The following DEFB129 variants were observed in gnomAD, a reference collection of about 807,000 sequenced individuals.
DEFB129 encodes defensin beta 129.
A neutral mutation model predicts 2.5 loss-of-function variants in DEFB129; 2 were observed. The observed-to-expected ratio is 0.80, with a 90% CI of 0.33 to 2.53. DEFB129 has a LOEUF of 2.53. Among genes scored for constraint, DEFB129 ranks in the 30% most tolerant of loss-of-function variants. The probability of loss-of-function intolerance (pLI) is 0.11; values close to 1 mark genes in which losing one functional copy is unlikely to be tolerated. For synonymous variants in DEFB129, 76 were observed against 74.4 expected (o/e 1.02, Z -0.11); for missense variants, 177 against 216.9 (o/e 0.82, Z 1.16).
At position 229,879 on chromosome 20, in the gene DEFB129, C is replaced by A; in HGVS notation, c.*108C>A. On this transcript the variant is annotated 3_prime_UTR_variant, in exon 2 of 2. Transcript: ENST00000246105. The stretch of plus-strand genomic sequence containing the variant: ...AGTCATTCAATAAACACTGTTTGAG[C>A]ACCTACAGTTTATGTAATATTATCA... 1.4e-6 allele frequency: 2 copies of A among 1,408,076 alleles called. No individual in the cohort carries two copies. The highest frequency in any genetic ancestry group is 1.9e-6 in the Non-Finnish European group (2 of 1,062,598). The allele number at this position is 1,408,076 out of a possible 1,614,324, so 87.2% of individuals were successfully genotyped here. A position where few individuals can be genotyped will look rare whatever the true frequency, so the allele number is the denominator to read the frequency against.
chr20:227,384 A>G, intron 1 of DEFB129, 38 bp downstream of exon 1: 1 of 1,610,330 alleles, frequency 6.2e-7, no homozygotes, highest in Non-Finnish European at 8.5e-7. Context: ...GGTAGATGAG[A>G]GGAACCAAGG....
intron 1 of DEFB129, among the ~76,000 whole-genome samples, chr20:229,014 A>G (rs2011309661): frequency 1.3e-5 from 2 of 152,204 alleles, no homozygotes; most frequent in African/African-American, 4.8e-5. Flanking sequence ...TCCTAAAAGC[A>G]AATAATTACT....
Position 227,292 on chromosome 20 carries a change from A to C in DEFB129, c.4A>C (p.Lys2Gln). 1 of 1,614,122 alleles carries C rather than the reference A, an allele frequency of 6.2e-7. No individual in the cohort carries two copies. Among genetic ancestry groups the C allele is most frequent in the Non-Finnish European group, 8.5e-7 (1 of 1,179,966 alleles). The change falls in exon 1 of 2, where the codon AAG (lysine) becomes CAG (glutamine). Residue 2 changes from lysine (K) to glutamine (Q), a missense_variant. Physicochemically the swap from Lys to Gln is moderately conservative, Grantham distance 53. Transcript: ENST00000246105. The part of the protein sequence containing the change: M[K>Q]LLFPIFASLM... ...GCTTCCTCTCTGGCACCCAACCATG[A>C]AGCTCCTTTTTCCTATCTTTGCCAG...
chr20:228,083 A>G (rs2011301584), intron 1 of DEFB129, among the ~76,000 whole-genome samples: 1 of 152,110 alleles, frequency 6.6e-6, no homozygotes, highest in African/African-American at 2.4e-5. Context: ...CCCCCAAACT[A>G]CCATAAGGGC....
At chr20:228,170 A>G (rs1295863155) in intron 1 of DEFB129, among the ~76,000 whole-genome samples, 2 of 152,254 alleles carry the variant, frequency 1.3e-5, no homozygotes, top group African/African-American at 4.8e-5. Flanking sequence ...AGAAGCACTG[A>G]GATTTGTTTC....
intron 1 of DEFB129, among the ~76,000 whole-genome samples, chr20:228,289 A>G (rs1040492749): frequency 8.5e-5 from 13 of 152,164 alleles, no homozygotes; most frequent in Non-Finnish European, 1.6e-4. Flanking sequence ...TAATGTTTTT[A>G]TCTTGGGACC....
chr20:227,802 T>C (rs1404938452), intron 1 of DEFB129, among the ~76,000 whole-genome samples: 1 of 152,094 alleles, frequency 6.6e-6, no homozygotes, highest in Non-Finnish European at 1.5e-5. Context: ...ATCGCCCAGG[T>C]ATTAAGCCCA....
At position 229,349 on chromosome 20, in the gene DEFB129, G is replaced by C; in HGVS notation, c.130G>C (p.Glu44Gln). 1 of 1,614,072 alleles carries C rather than the reference G, an allele frequency of 6.2e-7. No homozygotes were observed. Among genetic ancestry groups the C allele is most frequent in the East Asian group, 2.2e-5 (1 of 44,886 alleles). ...GGATCACTGCAATGTGGATGAAAAAGAGATACAGAAATGCAAGATGAAAAA... is the reference window on the plus strand; with the variant it reads ...GGATCACTGCAATGTGGATGAAAAACAGATACAGAAATGCAAGATGAAAAA... Reference protein sequence around the residue: ...CRDHCNVDEKEIQKCKMKKCC... With the variant: ...CRDHCNVDEKQIQKCKMKKCC... The change falls in exon 2 of 2, where the codon GAG (glutamate) becomes CAG (glutamine). Residue 44 changes from glutamate to glutamine, a missense_variant. By Grantham distance (29) the Glu-to-Gln change is conservative (BLOSUM62 2). Transcript: ENST00000246105.
Position 229,599 on chromosome 20 carries a change from C to A in DEFB129, c.380C>A (p.Ser127Tyr). Reference protein sequence around the residue: ...VIIPNATPMNSATISTMTPGQ... With the variant: ...VIIPNATPMNYATISTMTPGQ... Reference sequence around the variant, plus strand: ...ATTCCAAATGCCACCCCTATGAACTCTGCCACCATCAGCACTATGACCCCA... The same window carrying A: ...ATTCCAAATGCCACCCCTATGAACTATGCCACCATCAGCACTATGACCCCA... Residue 127 changes from serine to tyrosine, a missense_variant, in exon 2 of 2, where the codon TCT becomes TAT. Coordinates refer to ENST00000246105, the MANE Select transcript of DEFB129 (RefSeq NM_080831.4). 6.2e-7 allele frequency: 1 copy of A among 1,614,186 alleles called. No homozygotes were observed. Among genetic ancestry groups the A allele is most frequent in the Non-Finnish European group, 8.5e-7 (1 of 1,180,024 alleles).
rs2011307263 is a variant in DEFB129, at chr20:228,702, T to C, written c.59-576T>C. Among the ~76,000 whole-genome samples, 4 of 152,100 alleles carry C rather than the reference T, an allele frequency of 2.6e-5. No homozygotes were observed. The South Asian group carries it at 8.3e-4, about 31-fold the overall frequency. ...AGAAGTTACCTTGGTGGATATGAGG[T>C]TAAGGCTAGGATAATGAATGAGACT... is the stretch of plus-strand genomic sequence containing the variant. On this transcript the variant is annotated intron_variant, in intron 1 of 1. Coordinates refer to ENST00000246105, the MANE Select transcript of DEFB129 (RefSeq NM_080831.4).
At position 227,306 on chromosome 20, in the gene DEFB129, T is replaced by A. The variant is rs1478760101; in HGVS notation, c.18T>A (p.Pro6=). 1 of 1,614,108 alleles carries A rather than the reference T, an allele frequency of 6.2e-7. No individual in the cohort carries two copies. The highest frequency in any genetic ancestry group is 1.7e-5 in the Admixed American group (1 of 60,016). Residue 6 remains proline, a synonymous_variant, in exon 1 of 2, where the codon CCT becomes CCA. Transcript: ENST00000246105. MKLLF[P]IFASLMLQYQ... ...ACCCAACCATGAAGCTCCTTTTTCC[T>A]ATCTTTGCCAGCCTCATGCTACAGT...
At chr20:227,543 C>A (rs2011294852) in intron 1 of DEFB129, among the ~76,000 whole-genome samples, 197 bp downstream of exon 1, 1 of 152,212 alleles carries the variant, frequency 6.6e-6, no homozygotes, top group African/African-American at 2.4e-5. Context: ...CCAGTGGAAA[C>A]ACCCAGGAAG....
chr20:227,351 T>C lies in DEFB129; in HGVS notation c.58+5T>C. ...TACAGTACCAGGTGAACACAGGTAA[T>C]GTGGATTCCCAAGTTTAAGATGGGT... On this transcript the variant is annotated splice_donor_5th_base_variant and intron_variant, in intron 1 of 1. Coordinates refer to ENST00000246105, the MANE Select transcript of DEFB129 (RefSeq NM_080831.4). 1 of 1,614,096 alleles carries C rather than the reference T, an allele frequency of 6.2e-7. No individual in the cohort carries two copies. Among genetic ancestry groups the C allele is most frequent in the Non-Finnish European group, 8.5e-7 (1 of 1,179,958 alleles).
rs760946629 is a variant in DEFB129 at position 229,693 on chromosome 20, C to T, written c.474C>T (p.Ala158=). 43 of 1,613,856 alleles carry T rather than the reference C, an allele frequency of 2.7e-5. 1 individual carries two copies. The South Asian group carries it at 4.5e-4, about 17-fold the overall frequency. Residue 158 remains alanine (A), a synonymous_variant, in exon 2 of 2, where the codon GCC becomes GCT. Transcript: ENST00000246105. ...NTKESRDSAT[A]SPPPAPPPPN... is the part of the protein sequence containing the mutation. ...AAGAAAGCAGAGATTCTGCCACTGC[C>T]TCGCCACCACCAGCACCACCTCCAC...
rs1189354963 is a variant in DEFB129 at position 227,995 on chromosome 20, G to A, written c.58+649G>A. ...AACCCTTTCAAGATCAAGTAAACAG[G>A]CCTGTGTTCTCCATCTTGAATTCTT... On this transcript the variant is annotated intron_variant, in intron 1 of 1. Transcript: ENST00000246105. Among the ~76,000 whole-genome samples, 9 of 152,202 alleles carry A rather than the reference G, an allele frequency of 5.9e-5. No homozygotes were observed. In the East Asian group the frequency reaches 1.4e-3, roughly 23 times the overall value.
chr20:229,322 A>G lies in DEFB129; in HGVS notation c.103A>G (p.Arg35Gly). 1 of 1,612,522 alleles carries G rather than the reference A, an allele frequency of 6.2e-7. No individual in the cohort carries two copies. The highest frequency in any genetic ancestry group is 8.5e-7 in the Non-Finnish European group (1 of 1,179,404). Residue 35 changes from arginine (R) to glycine (G), a missense_variant, in exon 2 of 2, where the codon AGG becomes GGG. By Grantham distance (125) the Arg-to-Gly change is moderately radical. Transcript: ENST00000246105. ...CTGTTTAATGGGTTTGGGGAGATGC[A>G]GGGATCACTGCAATGTGGATGAAAA... ...RRCLMGLGRC[R>G]DHCNVDEKEI... is the part of the protein sequence containing the mutation.
rs1303699548 is a variant in DEFB129, at chr20:229,390, A to C, written c.171A>C (p.Pro57=). 1 of 1,614,216 alleles carries C rather than the reference A, an allele frequency of 6.2e-7. No homozygotes were observed. Among genetic ancestry groups the C allele is most frequent in the Non-Finnish European group, 8.5e-7 (1 of 1,180,034 alleles). Residue 57 remains proline (P), a synonymous_variant, in exon 2 of 2, where the codon CCA becomes CCC. Coordinates refer to ENST00000246105, the MANE Select transcript of DEFB129 (RefSeq NM_080831.4). Reference sequence around the variant, plus strand: ...AGATGAAAAAATGTTGTGTTGGACCAAAAGTGGTTAAATTGATTAAAAACT... The same window carrying C: ...AGATGAAAAAATGTTGTGTTGGACCCAAAGTGGTTAAATTGATTAAAAACT... ...KCKMKKCCVG[P]KVVKLIKNYL...
Position 229,484 on chromosome 20 carries a change from T to C in DEFB129, c.265T>C (p.Ser89Pro), listed in dbSNP as rs759178455. 1.2e-6 allele frequency: 2 copies of C among 1,614,170 alleles called. No individual in the cohort carries two copies. Among genetic ancestry groups the C allele is most frequent in the Non-Finnish European group, 1.7e-6 (2 of 1,180,016 alleles). The change falls in exon 2 of 2, where the codon TCT becomes CCT. Residue 89 changes from serine (S) to proline (P), a missense_variant. Coordinates refer to ENST00000246105, the MANE Select transcript of DEFB129 (RefSeq NM_080831.4). ...AGAAATGCTAAAACCTGCCAAGAAT[T>C]CTAGTGCTGTGATACAAAGAAAACA... ...VQEMLKPAKN[S>P]SAVIQRKHIL...
At position 229,863 on chromosome 20, in the gene DEFB129, A is replaced by G. The variant is rs1486606438; in HGVS notation, c.*92A>G. On this transcript the variant is annotated 3_prime_UTR_variant, in exon 2 of 2. Coordinates refer to ENST00000246105, the MANE Select transcript of DEFB129 (RefSeq NM_080831.4). The stretch of plus-strand genomic sequence containing the variant: ...TGTTTCCTCTGTCATCAGTCATTCA[A>G]TAAACACTGTTTGAGCACCTACAGT... 4.1e-6 allele frequency: 6 copies of G among 1,471,814 alleles called. No individual in the cohort carries two copies. Among genetic ancestry groups the G allele is most frequent in the African/African-American group, 1.4e-5 (1 of 70,350 alleles). 91.2% of individuals were successfully genotyped at this position (1,471,814 alleles called of 1,614,324 possible).
Sources: allele counts gnomAD v4.1 joint callset (sites outside exome capture counted in the v4.1 genomes callset), GRCh38; gene constraint gnomAD v4.1.1; transcripts MANE v1.5; gene names NCBI Gene and HGNC (gene_info 2026-07-23, HGNC 2026-07-21).